CDON: variants seen among roughly 807,000 people sequenced by gnomAD.
CDON encodes the protein cell adhesion molecule-related/down-regulated by oncogenes.
In CDON, 73 loss-of-function variants were observed where a neutral mutation model predicts 120.9. The observed-to-expected ratio is 0.60, with a 90% CI of 0.50 to 0.73. The LOEUF is 0.73. Ranked by LOEUF, CDON falls within the 30% of genes least tolerant of loss-of-function variation. CDON has a pLI of 0.00. For missense variants in CDON, 1,470 were observed against 1,587.3 expected (o/e 0.93, Z 1.26); for synonymous variants, 566 against 573.5 (o/e 0.99, Z 0.19).
In CDON at chr11:126,018,316, T is replaced by C; in HGVS notation, c.640+14A>G. 1 of 1,612,464 alleles carries C rather than the reference T, an allele frequency of 6.2e-7. No individual in the cohort carries two copies. The highest frequency in any genetic ancestry group is 8.5e-7 in the Non-Finnish European group (1 of 1,179,210). On this transcript the variant is annotated intron_variant, in intron 5 of 19. Transcript: ENST00000531738. The stretch of plus-strand genomic sequence containing the variant: ...CTTCCTCTTCCAGTTACCATTATTC[T>C]CCCAAATACTTACGACTCACAAGGA...
chr11:126,015,046 A>C, intron 7 of CDON, 195 bp downstream of exon 7: 1 of 621,718 alleles, frequency 1.6e-6, no homozygotes, highest in Non-Finnish European at 2.8e-6. Context: ...AACTTTTTTT[A>C]ATGAGCTTGA....
At chr11:125,964,385 AG>A (rs1310177395) in intron 18 of CDON, among the ~76,000 whole-genome samples, 1 of 152,194 alleles carries the variant, frequency 6.6e-6, no homozygotes, top group Non-Finnish European at 1.5e-5. Context: ...GAGAGCAGAG[AG>A]GGCTTTTACA....
intron 1 of CDON, among the ~76,000 whole-genome samples, chr11:126,049,406 T>C (rs147660282): frequency 4.6e-5 from 7 of 152,230 alleles, no homozygotes; most frequent in African/African-American, 9.6e-5. Flanking sequence ...ATCTCCAGAG[T>C]GAAAATAAAC....
At chr11:126,044,715 A>T (rs1036414163) in intron 1 of CDON, among the ~76,000 whole-genome samples, 1 of 152,160 alleles carries the variant, frequency 6.6e-6, no homozygotes, top group Non-Finnish European at 1.5e-5. Context: ...GGAGACAGAG[A>T]ATAGGATGAT....
chr11:125,984,824 C>T (rs1197188423), intron 15 of CDON, among the ~76,000 whole-genome samples: 1 of 152,082 alleles, frequency 6.6e-6, no homozygotes, highest in African/African-American at 2.4e-5. Flanking sequence ...ATAAAATTCA[C>T]TACCAATATT....
intron 1 of CDON, among the ~76,000 whole-genome samples, chr11:126,046,861 G>C (rs1948419456): frequency 1.3e-5 from 2 of 152,224 alleles, no homozygotes; most frequent in South Asian, 4.1e-4. Flanking sequence ...CCTTGAGGAT[G>C]GTACTTTACT....
intron 15 of CDON, among the ~76,000 whole-genome samples, chr11:125,984,558 G>C (rs529286399): frequency 6.6e-6 from 1 of 152,150 alleles, no homozygotes; most frequent in Non-Finnish European, 1.5e-5. Context: ...TTAGCTGGGC[G>C]TGGCGGTGGG....
At chr11:126,059,504 A>C (rs1948748501) in intron 1 of CDON, among the ~76,000 whole-genome samples, 1 of 117,404 alleles carries the variant, frequency 8.5e-6, no homozygotes, top group Admixed American at 9.2e-5. Context: ...CATCCCCCCA[A>C]TCCCCGCTCT....
chr11:126,062,389 C>T (rs1948821033), intron 1 of CDON, among the ~76,000 whole-genome samples, 190 bp downstream of exon 1: 1 of 152,154 alleles, frequency 6.6e-6, no homozygotes, highest in Non-Finnish European at 1.5e-5. Context: ...GGACGCGGAA[C>T]GCCGGGGCTC....
intron 18 of CDON, among the ~76,000 whole-genome samples, chr11:125,962,372 G>A (rs1273579430): frequency 1.3e-5 from 2 of 152,136 alleles, no homozygotes; most frequent in African/African-American, 4.8e-5. Flanking sequence ...GAATAAAAGA[G>A]GAAGAGGAGG....
At chr11:125,984,211 G>T in intron 15 of CDON, 118 bp from the exon 16 acceptor site, 1 of 740,258 alleles carries the variant, frequency 1.4e-6, no homozygotes, top group South Asian at 1.5e-5. Context: ...TCTTGTTACT[G>T]AGATGACCTG....
At chr11:126,003,872 C>G in intron 10 of CDON, 30 bp downstream of exon 10, 1 of 1,603,452 alleles carries the variant, frequency 6.2e-7, no homozygotes, top group Non-Finnish European at 8.5e-7. Context: ...GGGCAGCCAG[C>G]TCATTCCTCC....
Position 125,961,893 on chromosome 11 carries a change from G to A in CDON, c.3462C>T (p.His1154=), listed in dbSNP as rs143827727. The change falls in exon 19 of 20, where the codon CAC becomes CAT. Residue 1154 remains histidine (H), a synonymous_variant. Transcript: ENST00000531738. ...QDGLEMKPLS[H]VKVPVCLTSA... Reference sequence around the variant, plus strand: ...AAGTCAGGCATACAGGCACCTTCACGTGACTGAGGGGCTTCATTTCCAAAC... The same window carrying A: ...AAGTCAGGCATACAGGCACCTTCACATGACTGAGGGGCTTCATTTCCAAAC... 23 of 1,614,074 alleles carry A rather than the reference G, an allele frequency of 1.4e-5. No individual in the cohort carries two copies. The African/African-American group carries it at 2.4e-4, about 17-fold the overall frequency.
At chr11:125,991,789 C>T (rs555261715) in intron 14 of CDON, among the ~76,000 whole-genome samples, 1 of 152,158 alleles carries the variant, frequency 6.6e-6, no homozygotes, top group South Asian at 2.1e-4. Flanking sequence ...AAGCAAATTA[C>T]ACAGCATAGT....
At chr11:126,031,016 G>A (rs1398830030) in intron 1 of CDON, among the ~76,000 whole-genome samples, 1 of 152,140 alleles carries the variant, frequency 6.6e-6, no homozygotes, top group Non-Finnish European at 1.5e-5. Context: ...CAAACTAAAG[G>A]AAACTGCTCA....
At chr11:126,000,611 T>C (rs1946914828) in intron 11 of CDON, among the ~76,000 whole-genome samples, 1 of 132,332 alleles carries the variant, frequency 7.6e-6, no homozygotes, top group Non-Finnish European at 1.7e-5. Flanking sequence ...AAATAAATGG[T>C]AAGGTTTTTT....
At chr11:126,042,893 G>A (rs190861552) in intron 1 of CDON, among the ~76,000 whole-genome samples, 8 of 152,222 alleles carry the variant, frequency 5.3e-5, no homozygotes, top group Admixed American at 5.2e-4. Flanking sequence ...AAAGTGCTAG[G>A]ATTACAGGCG....
chr11:126,048,282 CA>C lies in CDON; in HGVS notation c.-62+14296del, dbSNP rs1239820423. 6.6e-3 allele frequency among the ~76,000 whole-genome samples: 793 copies of C among 119,384 alleles called. 10 individuals are homozygous for C. The highest frequency in any genetic ancestry group is 0.019 in the African/African-American group (598 of 32,264). The allele number at this position is 119,384 out of a possible 152,430, so 78.3% of individuals were successfully genotyped here. A position where few individuals can be genotyped will look rare whatever the true frequency, so the allele number is the denominator to read the frequency against. On this transcript the variant is annotated intron_variant, in intron 1 of 19. Coordinates refer to ENST00000531738, the MANE Select transcript of CDON (RefSeq NM_001378964.1). ...TGTGCAACAGAGTGAGACTCTGTCT[CA>C]AAAAAAAAAAAAAGAAAAGAAATGG... is the stretch of plus-strand genomic sequence containing the variant.
intron 8 of CDON, 68 bp from the exon 9 acceptor site, chr11:126,006,125 G>C: frequency 7.0e-7 from 1 of 1,430,302 alleles, no homozygotes; most frequent in South Asian, 1.2e-5. Flanking sequence ...CCCAGTTTGT[G>C]ACGTGACTGC....
Sources: allele counts gnomAD v4.1 joint callset (sites outside exome capture counted in the v4.1 genomes callset), GRCh38; gene constraint gnomAD v4.1.1; transcripts MANE v1.5; gene names NCBI Gene and HGNC (gene_info 2026-07-23, HGNC 2026-07-21).